TUBB3: variants seen among roughly 807,000 people sequenced by gnomAD.
TUBB3 encodes tubulin beta-3 chain.
TUBB3 carries 17 observed loss-of-function variants against 37.8 expected under a neutral mutation model. The ratio of observed to expected loss-of-function variants is 0.45; its 90% CI spans 0.31 to 0.67. The LOEUF is 0.67. Among genes scored for constraint, TUBB3 ranks in the 30% least tolerant of loss-of-function variants. TUBB3 has a pLI of 0.07. For missense variants in TUBB3, 262 were observed against 657.9 expected (o/e 0.40, Z 6.58); for synonymous variants, 332 against 278.9 (o/e 1.19, Z -1.90).
chr16:89,930,230 G>C (rs989213001), intron 1 of TUBB3, among the ~76,000 whole-genome samples: 1 of 148,816 alleles, frequency 6.7e-6, no homozygotes, highest in Non-Finnish European at 1.5e-5. Flanking sequence ...TCAGCCTCTC[G>C]AGTAGCTGGG....
At chr16:89,926,340 AC>A (rs2030083043) in intron 1 of TUBB3, among the ~76,000 whole-genome samples, 1 of 151,970 alleles carries the variant, frequency 6.6e-6, no homozygotes, top group Non-Finnish European at 1.5e-5. Flanking sequence ...CGCCTGAAAG[AC>A]CTGCGGAGCC....
Position 89,923,384 on chromosome 16 carries a change from C to A in TUBB3, c.-18C>A. The A allele has an allele frequency of 6.8e-7, 1 of 1,467,540 alleles. No homozygotes were observed. The highest frequency in any genetic ancestry group is 9.0e-7 in the Non-Finnish European group (1 of 1,106,236). The allele number at this position is 1,467,540 out of a possible 1,614,324, so 90.9% of individuals were successfully genotyped here. ...CCCGCCCGCGCCCGTCCGCAGCCGCCCGCCAGACGCGCCCAGTATGAGGGA... is the reference window on the plus strand; with the variant it reads ...CCCGCCCGCGCCCGTCCGCAGCCGCACGCCAGACGCGCCCAGTATGAGGGA... On this transcript the variant is annotated 5_prime_UTR_variant, in exon 1 of 4. Transcript: ENST00000315491.
intron 2 of TUBB3, 41 bp downstream of exon 2, chr16:89,932,720 G>A: frequency 6.5e-7 from 1 of 1,538,762 alleles, no homozygotes; most frequent in African/African-American, 1.4e-5. Context: ...GCCCTGGACT[G>A]ACCAGGTCTC....
intron 3 of TUBB3, 137 bp downstream of exon 3, chr16:89,933,715 A>G: frequency 2.6e-6 from 2 of 783,946 alleles, no homozygotes. Context: ...TCATCTCTCC[A>G]TTTTACAGCT....
intron 3 of TUBB3, chr16:89,933,785 CAAGTGGAATGAAGTGT>C: frequency 1.4e-6 from 1 of 704,438 alleles, no homozygotes. Context: ...TCATGCATTT[CAAGTGGAATGAAGTGT>C]AAAGCAGACA....
In TUBB3 at chr16:89,935,057, C is replaced by T. The variant is rs576180572; in HGVS notation, c.606C>T (p.Ile202=). 9.7e-5 allele frequency: 156 copies of T among 1,614,192 alleles called. No homozygotes were observed. The South Asian group carries it at 1.5e-3, about 15-fold the overall frequency. The part of the protein sequence containing the change: ...LVENTDETYC[I]DNEALYDICF... ...AGAACACGGATGAGACCTACTGCAT[C>T]GACAACGAGGCGCTCTACGACATCT... Residue 202 remains isoleucine (I), a synonymous_variant, in exon 4 of 4, where the codon ATC becomes ATT. Coordinates refer to ENST00000315491, the MANE Select transcript of TUBB3 (RefSeq NM_006086.4).
chr16:89,929,804 T>C (rs113049209), intron 1 of TUBB3, among the ~76,000 whole-genome samples: 29,621 of 151,964 alleles, frequency 0.19, 5,526 homozygotes, highest in African/African-American at 0.49. Flanking sequence ...CGAGTTCGTG[T>C]GATTCTCCGC....
chr16:89,922,151 T>A (rs2029905308), upstream of TUBB3: 2 of 152,366 alleles, frequency 1.3e-5, no homozygotes, highest in South Asian at 4.1e-4. Context: ...CTTTCCAAAC[T>A]GGAGAGCTTC....
At chr16:89,933,788 G>A (rs1275516748) in intron 3 of TUBB3, 4 of 703,756 alleles carry the variant, frequency 5.7e-6, no homozygotes, top group Non-Finnish European at 5.2e-6. Context: ...TGCATTTCAA[G>A]TGGAATGAAG....
Position 89,932,668 on chromosome 16 carries a change from A to G in TUBB3, c.155A>G (p.Asn52Ser). The change falls in exon 2 of 4, where the codon AAC becomes AGC. Residue 52 changes from asparagine to serine, a missense_variant. Transcript: ENST00000315491. ...CTGGAGCGGATCAGCGTCTACTACA[A>G]CGAGGCCTCTTGTGAGTGCCTGCCC... ...LQLERISVYY[N>S]EASSHKYVPR... 6.2e-7 allele frequency: 1 copy of G among 1,613,908 alleles called. No homozygotes were observed. Among genetic ancestry groups the G allele is most frequent in the Non-Finnish European group, 8.5e-7 (1 of 1,179,920 alleles).
At chr16:89,923,016 G>C (rs1597417669), upstream of TUBB3, among the ~76,000 whole-genome samples, 1 of 152,260 alleles carries the variant, frequency 6.6e-6, no homozygotes, top group South Asian at 2.1e-4. Context: ...GCGGAACCGA[G>C]AGGGTAGCTG....
At chr16:89,923,975 C>G (rs1429250694) in intron 1 of TUBB3, among the ~76,000 whole-genome samples, 1 of 152,136 alleles carries the variant, frequency 6.6e-6, no homozygotes, top group Non-Finnish European at 1.5e-5. Flanking sequence ...CACCCCTCGG[C>G]GTCCTAGCTC....
chr16:89,925,824 C>A (rs1400072795), intron 1 of TUBB3, among the ~76,000 whole-genome samples: 1 of 152,084 alleles, frequency 6.6e-6, no homozygotes, highest in Non-Finnish European at 1.5e-5. Context: ...CAGGAAGGCC[C>A]GTGCACTCTG....
rs1445681674 is a variant in TUBB3 at position 89,935,956 on chromosome 16, T to G, written c.*152T>G. 2 of 969,374 alleles carry G rather than the reference T, an allele frequency of 2.1e-6. No individual in the cohort carries two copies. Among genetic ancestry groups the G allele is most frequent in the Non-Finnish European group, 3.0e-6 (2 of 661,784 alleles). The allele number at this position is 969,374 out of a possible 1,614,324, so 60.0% of individuals were successfully genotyped here. A position where few individuals can be genotyped will look rare whatever the true frequency, so the allele number is the denominator to read the frequency against. On this transcript the variant is annotated 3_prime_UTR_variant, in exon 4 of 4. Transcript: ENST00000315491. ...TCCTGCAGTATTTATGGCCTCGTCC[T>G]CCCCACCTAGGCCACGTGTGAGCTG...
chr16:89,929,007 G>A (rs1282199974), intron 1 of TUBB3, among the ~76,000 whole-genome samples: 2 of 146,550 alleles, frequency 1.4e-5, no homozygotes, highest in African/African-American at 5.0e-5. Context: ...TTGTCCCACA[G>A]GCTGGTGTGC....
At position 89,933,230 on chromosome 16, in the gene TUBB3, C is replaced by T. The variant is rs768465699; in HGVS notation, c.167-238C>T. The T allele has an allele frequency of 8.8e-5, 61 of 690,624 alleles. No individual in the cohort carries two copies. In the African/African-American group the frequency reaches 8.9e-4, roughly 10 times the overall value. 42.8% of individuals were successfully genotyped at this position (690,624 alleles called of 1,614,324 possible). ...GACACGAGCCCCTGCATCTGGTGGA[C>T]GTCTGACTGAATCCTGCCTGTCCTG... On this transcript the variant is annotated intron_variant, in intron 2 of 3. Transcript: ENST00000315491.
chr16:89,922,492 C>G (rs553121740), upstream of TUBB3: 2 of 152,482 alleles, frequency 1.3e-5, no homozygotes, highest in Non-Finnish European at 2.9e-5. Flanking sequence ...TCCCCCGAGG[C>G]CCCCCTGCAC....
intron 3 of TUBB3, 41 bp downstream of exon 3, chr16:89,933,619 C>G: frequency 6.6e-7 from 1 of 1,514,842 alleles, no homozygotes; most frequent in South Asian, 1.1e-5. Context: ...CAGACCCCAT[C>G]ACAGGCAAGC....
At position 89,935,295 on chromosome 16, in the gene TUBB3, C is replaced by A; in HGVS notation, c.844C>A (p.Arg282=). The A allele has an allele frequency of 6.2e-7, 1 of 1,613,704 alleles. No homozygotes were observed. ...PLTARGSQQY[R]ALTVPELTQQ... Reference sequence around the variant, plus strand: ...CACAGCCCGGGGCAGCCAGCAGTACCGGGCCCTGACCGTGCCCGAGCTCAC... The same window carrying A: ...CACAGCCCGGGGCAGCCAGCAGTACAGGGCCCTGACCGTGCCCGAGCTCAC... Residue 282 remains arginine, a synonymous_variant, in exon 4 of 4, where the codon CGG becomes AGG. Transcript: ENST00000315491.
Sources: allele counts gnomAD v4.1 joint callset (sites outside exome capture counted in the v4.1 genomes callset), GRCh38; gene constraint gnomAD v4.1.1; transcripts MANE v1.5; gene names NCBI Gene and HGNC (gene_info 2026-07-23, HGNC 2026-07-21).